Variants in TMPPE observed in about 807,000 individuals in gnomAD.
The protein encoded by TMPPE is transmembrane protein with metallophosphoesterase domain.
In TMPPE, 16 loss-of-function variants were observed where a neutral mutation model predicts 22.6. The observed-to-expected ratio is 0.71, with a 90% CI of 0.48 to 1.08. The LOEUF (loss-of-function observed/expected upper bound fraction) is 1.08, where lower values mean the gene tolerates loss of function less well. Among genes scored for constraint, TMPPE ranks in the 50% least tolerant of loss-of-function variants. The probability of loss-of-function intolerance (pLI) is 0.00; values close to 1 mark genes in which losing one functional copy is unlikely to be tolerated. For synonymous variants in TMPPE, 240 were observed against 245.3 expected (o/e 0.98, Z 0.20); for missense variants, 526 against 584.3 (o/e 0.90, Z 1.03).
In TMPPE at chr3:33,092,848, G is replaced by A. The variant is rs748021499; in HGVS notation, c.1348C>T (p.Gln450Ter). The change falls in exon 2 of 2, where the codon CAG becomes TAG. Residue 450 changes from glutamine (Q) to a stop codon, truncating the protein, a stop_gained. Coordinates refer to ENST00000342462, the MANE Select transcript of TMPPE (RefSeq NM_001039770.3). LOFTEE classifies it high-confidence loss of function. ...SRAEITELIL[Q>*]RSP Reference sequence around the variant, plus strand: ...GCAGGGCCAGTTCAGGGAGACCGCTGCAGGATGAGCTCTGTGATCTCGGCC... The same window carrying A: ...GCAGGGCCAGTTCAGGGAGACCGCTACAGGATGAGCTCTGTGATCTCGGCC... The A allele has an allele frequency of 6.2e-7, 1 of 1,605,178 alleles. No homozygotes were observed. The highest frequency in any genetic ancestry group is 2.2e-5 in the East Asian group (1 of 44,800).
In TMPPE at chr3:33,092,753, G is replaced by C; in HGVS notation, c.*81C>G. 1.3e-6 allele frequency: 2 copies of C among 1,516,524 alleles called. No individual in the cohort carries two copies. Among genetic ancestry groups the C allele is most frequent in the Non-Finnish European group, 1.8e-6 (2 of 1,134,062 alleles). 93.9% of individuals were successfully genotyped at this position (1,516,524 alleles called of 1,614,324 possible). On this transcript the variant is annotated 3_prime_UTR_variant, in exon 2 of 2. Coordinates refer to ENST00000342462, the MANE Select transcript of TMPPE (RefSeq NM_001039770.3). Reference sequence around the variant, plus strand: ...AAGGATGAGTGGGCAAGGCTGGAGGGGAAAAGCAGGCAAACCACTCTGAAG... The same window carrying C: ...AAGGATGAGTGGGCAAGGCTGGAGGCGAAAAGCAGGCAAACCACTCTGAAG...
At position 33,092,146 on chromosome 3, in the gene TMPPE, C is replaced by T; in HGVS notation, c.*688G>A. On this transcript the variant is annotated 3_prime_UTR_variant, in exon 2 of 2. Coordinates refer to ENST00000342462, the MANE Select transcript of TMPPE (RefSeq NM_001039770.3). ...GTTCTCACCATCACCGACCATGGCG[C>T]CCACCGTTCTTCTCCCCTGACCTTG... 1.0e-6 allele frequency: 1 copy of T among 985,506 alleles called. No individual in the cohort carries two copies. The highest frequency in any genetic ancestry group is 1.2e-6 in the Non-Finnish European group (1 of 830,092). 61.0% of individuals were successfully genotyped at this position (985,506 alleles called of 1,614,324 possible). A position where few individuals can be genotyped will look rare whatever the true frequency, so the allele number is the denominator to read the frequency against.
intron 1 of TMPPE, 40 bp downstream of exon 1, chr3:33,096,679 C>A (rs1403593446): frequency 2.6e-6 from 3 of 1,150,074 alleles, no homozygotes; most frequent in Non-Finnish European, 2.1e-6. Context: ...AACTTGGAAT[C>A]CCCTCCCGGA....
chr3:33,097,093 A>T lies in TMPPE; in HGVS notation c.-483T>A. ...AACCAGGAACCCCGGCATGACCACC[A>T]GCCTCCCGGCTCTGCAGTCGGCGCC... On this transcript the variant is annotated 5_prime_UTR_variant, in exon 1 of 2. Coordinates refer to ENST00000342462, the MANE Select transcript of TMPPE (RefSeq NM_001039770.3). 1 of 1,612,218 alleles carries T rather than the reference A, an allele frequency of 6.2e-7. No homozygotes were observed. Among genetic ancestry groups the T allele is most frequent in the Non-Finnish European group, 8.5e-7 (1 of 1,178,932 alleles).
Position 33,097,056 on chromosome 3 carries a change from A to AG in TMPPE, c.-447dup, listed in dbSNP as rs754458675. The stretch of plus-strand genomic sequence containing the variant: ...CCAGAAGCAGCAGAACCAGCAACAG[A>AG]GGGAGGATGCGAACCAGGAACCCCG... On this transcript the variant is annotated 5_prime_UTR_variant, in exon 1 of 2. The change abolishes the stop of an existing upstream ORF in the 5' untranslated region. Coordinates refer to ENST00000342462, the MANE Select transcript of TMPPE (RefSeq NM_001039770.3). The AG allele has an allele frequency of 6.2e-7, 1 of 1,611,970 alleles. No individual in the cohort carries two copies. The highest frequency in any genetic ancestry group is 1.3e-5 in the African/African-American group (1 of 74,812).
Position 33,093,564 on chromosome 3 carries a change from A to G in TMPPE, c.632T>C (p.Leu211Pro). The change falls in exon 2 of 2, where the codon CTC (leucine) becomes CCC (proline). Residue 211 changes from leucine (L) to proline (P), a missense_variant. Transcript: ENST00000342462. This position sits in a 1 kb window ranked among gnomAD's most constrained non-coding sequence, Gnocchi z 6.0. ...GGGGCCCAAGTGAATGTCTGAGAGG[A>G]GCACGATCTTGAGGTTGTTCATTGA... ...PASMNNLKIV[L>P]LSDIHLGPTV... The G allele has an allele frequency of 1.9e-6, 3 of 1,614,162 alleles. No individual in the cohort carries two copies. Among genetic ancestry groups the G allele is most frequent in the South Asian group, 1.1e-5 (1 of 91,076 alleles).
chr3:33,094,150 C>T lies in TMPPE; in HGVS notation c.46G>A (p.Ala16Thr), dbSNP rs773569384. Residue 16 changes from alanine (A) to threonine (T), a missense_variant, in exon 2 of 2, where the codon GCT becomes ACT. Physicochemically the swap from Ala to Thr is moderately conservative, Grantham distance 58 (BLOSUM62 0). Coordinates refer to ENST00000342462, the MANE Select transcript of TMPPE (RefSeq NM_001039770.3). ...QLSLGAKATLAAVTVFVSMIA... is the reference protein window; with the variant it reads ...QLSLGAKATLTAVTVFVSMIA... ...ATGGACACGAAGACAGTGACAGCAG[C>T]CAGGGTGGCCTTCGCGCCTAGGGAC... The T allele has an allele frequency of 6.2e-7, 1 of 1,612,664 alleles. No individual in the cohort carries two copies. The highest frequency in any genetic ancestry group is 8.5e-7 in the Non-Finnish European group (1 of 1,178,840).
At position 33,092,036 on chromosome 3, in the gene TMPPE, A is replaced by G; in HGVS notation, c.*798T>C. The G allele has an allele frequency of 1.0e-6, 1 of 985,022 alleles. No individual in the cohort carries two copies. Among genetic ancestry groups the G allele is most frequent in the Non-Finnish European group, 1.2e-6 (1 of 829,604 alleles). The allele number at this position is 985,022 out of a possible 1,614,324, so 61.0% of individuals were successfully genotyped here. ...GTTTCCTTATCTCCAAATAGGGAAA[A>G]GCAGCCTGTCCCCAGTGAGCTCCCC... On this transcript the variant is annotated 3_prime_UTR_variant, in exon 2 of 2. Transcript: ENST00000342462.
chr3:33,091,853 A>C lies in TMPPE; in HGVS notation c.*981T>G. 1.0e-6 allele frequency: 1 copy of C among 985,454 alleles called. No individual in the cohort carries two copies. The allele number at this position is 985,454 out of a possible 1,614,324, so 61.0% of individuals were successfully genotyped here. On this transcript the variant is annotated 3_prime_UTR_variant, in exon 2 of 2. Coordinates refer to ENST00000342462, the MANE Select transcript of TMPPE (RefSeq NM_001039770.3). ...TGTCTTCTCAGTGAGGCCTTTTCTA[A>C]CACGGGTGCTTATCTCCATCTCAGG...
chr3:33,097,139 A>C lies in TMPPE; in HGVS notation c.-529T>G, dbSNP rs562786228. 3.1e-6 allele frequency: 5 copies of C among 1,600,782 alleles called. No individual in the cohort carries two copies. Among genetic ancestry groups the C allele is most frequent in the Middle Eastern group, 3.3e-4 (2 of 6,014 alleles). ...GCGCCCAGGCCGGCCGCTTCGCGTC[A>C]CTTGACTAAGGACCCACGGCCTGGC... On this transcript the variant is annotated 5_prime_UTR_variant, in exon 1 of 2. Transcript: ENST00000342462.
In TMPPE at chr3:33,093,641, C is replaced by G. The variant is rs372873177; in HGVS notation, c.555G>C (p.Ala185=). 6.2e-7 allele frequency: 1 copy of G among 1,614,126 alleles called. No individual in the cohort carries two copies. Among genetic ancestry groups the G allele is most frequent in the South Asian group, 1.1e-5 (1 of 91,086 alleles). ...CCACAGTTTTCACAGCCGGGGGCTG[C>G]GCGGCATTCAGAATCCCGGCCACGC... ...VLSVAGILNA[A]QPPAVKTVEV... Residue 185 remains alanine (A), a synonymous_variant, in exon 2 of 2, where the codon GCG becomes GCC. Transcript: ENST00000342462. The surrounding 1 kb of genome is among the most constrained non-coding windows in gnomAD (Gnocchi z 6.0).
intron 1 of TMPPE, among the ~76,000 whole-genome samples, chr3:33,096,185 G>A (rs1176211890): frequency 6.6e-6 from 1 of 152,154 alleles, no homozygotes; most frequent in Non-Finnish European, 1.5e-5. Context: ...ACGTGCAGAG[G>A]AGCAGCTTGC....
chr3:33,090,583 G>C lies in TMPPE; in HGVS notation c.*2251C>G. The C allele has an allele frequency of 1.0e-6, 1 of 985,406 alleles. No homozygotes were observed. The highest frequency in any genetic ancestry group is 1.2e-6 in the Non-Finnish European group (1 of 829,930). 61.0% of individuals were successfully genotyped at this position (985,406 alleles called of 1,614,324 possible). A position where few individuals can be genotyped will look rare whatever the true frequency, so the allele number is the denominator to read the frequency against. ...AATTGAAAGAATGATCAAGCTTCAA[G>C]TAACGTTTCTCACCACCTCCCCCGG... On this transcript the variant is annotated 3_prime_UTR_variant, in exon 2 of 2. Coordinates refer to ENST00000342462, the MANE Select transcript of TMPPE (RefSeq NM_001039770.3).
In TMPPE at chr3:33,091,326, G is replaced by C. The variant is rs1700750929; in HGVS notation, c.*1508C>G. 1.0e-6 allele frequency: 1 copy of C among 985,416 alleles called. No homozygotes were observed. Among genetic ancestry groups the C allele is most frequent in the Admixed American group, 6.1e-5 (1 of 16,262 alleles). The allele number at this position is 985,416 out of a possible 1,614,324, so 61.0% of individuals were successfully genotyped here. Reference sequence around the variant, plus strand: ...CCCCCAGAACCCCACTATACACCAGGAGGACAAGGAGGAAAGGAAGAAACC... The same window carrying C: ...CCCCCAGAACCCCACTATACACCAGCAGGACAAGGAGGAAAGGAAGAAACC... On this transcript the variant is annotated 3_prime_UTR_variant, in exon 2 of 2. Coordinates refer to ENST00000342462, the MANE Select transcript of TMPPE (RefSeq NM_001039770.3).
rs1314924754 is a variant in TMPPE, at chr3:33,093,451, C to T, written c.745G>A (p.Asp249Asn). Residue 249 changes from aspartate to asparagine, a missense_variant, in exon 2 of 2, where the codon GAC becomes AAC. Coordinates refer to ENST00000342462, the MANE Select transcript of TMPPE (RefSeq NM_001039770.3). The surrounding 1 kb of genome is among the most constrained non-coding windows in gnomAD (Gnocchi z 6.0). ...DITVIVGDLS[D>N]SEASVLRTAV... The stretch of plus-strand genomic sequence containing the variant: ...GTCCGCAGGACCGAGGCTTCTGAGT[C>T]GGAGAGGTCACCCACAATCACCGTG... 9 of 1,614,138 alleles carry T rather than the reference C, an allele frequency of 5.6e-6. No individual in the cohort carries two copies. Among genetic ancestry groups the T allele is most frequent in the African/African-American group, 1.3e-5 (1 of 75,010 alleles).
Position 33,096,793 on chromosome 3 carries a change from G to A in TMPPE, c.-183C>T. On this transcript the variant is annotated 5_prime_UTR_variant, in exon 1 of 2. Coordinates refer to ENST00000342462, the MANE Select transcript of TMPPE (RefSeq NM_001039770.3). ...GGCGGCCGGAGCGGAACGCACAAGC[G>A]ACCGAGCTGCCTGGAAGGACGCGCG... 1 of 1,345,970 alleles carries A rather than the reference G, an allele frequency of 7.4e-7. No individual in the cohort carries two copies. 83.4% of individuals were successfully genotyped at this position (1,345,970 alleles called of 1,614,324 possible). A position where few individuals can be genotyped will look rare whatever the true frequency, so the allele number is the denominator to read the frequency against.
Position 33,096,872 on chromosome 3 carries a change from G to C in TMPPE, c.-262C>G, listed in dbSNP as rs374536954. The C allele has an allele frequency of 1.1e-5, 15 of 1,427,526 alleles. No homozygotes were observed. Among genetic ancestry groups the C allele is most frequent in the South Asian group, 4.4e-5 (3 of 67,720 alleles). The allele number at this position is 1,427,526 out of a possible 1,614,324, so 88.4% of individuals were successfully genotyped here. A position where few individuals can be genotyped will look rare whatever the true frequency, so the allele number is the denominator to read the frequency against. On this transcript the variant is annotated 5_prime_UTR_variant, in exon 1 of 2. Coordinates refer to ENST00000342462, the MANE Select transcript of TMPPE (RefSeq NM_001039770.3). ...GCCGGTCCACTGCCTGCGTTCCGCC[G>C]GCCGCGAGCCTGCTGGGGGGCACTT...
Position 33,097,011 on chromosome 3 carries a change from G to A in TMPPE, c.-401C>T, listed in dbSNP as rs1319337180. 4 of 1,611,734 alleles carry A rather than the reference G, an allele frequency of 2.5e-6. No homozygotes were observed. Reference sequence around the variant, plus strand: ...CCGTACCCGGGTCCCGCAGACTTACGCGCAAGCCGCGCGTAGGGCCCAGAA... The same window carrying A: ...CCGTACCCGGGTCCCGCAGACTTACACGCAAGCCGCGCGTAGGGCCCAGAA... On this transcript the variant is annotated 5_prime_UTR_variant, in exon 1 of 2. Transcript: ENST00000342462.
At position 33,092,575 on chromosome 3, in the gene TMPPE, G is replaced by C. The variant is rs1700810962; in HGVS notation, c.*259C>G. ...CCCATTCCACATCATCTGGAAAATA[G>C]AGGGGAGTGCTAATATATGTGACCT... is the stretch of plus-strand genomic sequence containing the variant. On this transcript the variant is annotated 3_prime_UTR_variant, in exon 2 of 2. Coordinates refer to ENST00000342462, the MANE Select transcript of TMPPE (RefSeq NM_001039770.3). 3 of 1,243,804 alleles carry C rather than the reference G, an allele frequency of 2.4e-6. No individual in the cohort carries two copies. Among genetic ancestry groups the C allele is most frequent in the South Asian group, 6.5e-5 (2 of 30,642 alleles). The allele number at this position is 1,243,804 out of a possible 1,614,324, so 77.0% of individuals were successfully genotyped here.
Sources: allele counts gnomAD v4.1 joint callset (sites outside exome capture counted in the v4.1 genomes callset), GRCh38; gene constraint gnomAD v4.1.1; non-coding constraint Gnocchi (gnomAD v3.1); transcripts MANE v1.5; gene names NCBI Gene and HGNC (gene_info 2026-07-23, HGNC 2026-07-21).